Variants in ENKUR observed in about 807,000 individuals in gnomAD.
ENKUR encodes the protein enkurin, TRPC channel interacting protein.
ENKUR carries 19 observed loss-of-function variants against 27.6 expected under a neutral mutation model. The ratio of observed to expected loss-of-function variants is 0.69; its 90% CI spans 0.48 to 1.01. The LOEUF (loss-of-function observed/expected upper bound fraction) is 1.01, where lower values mean the gene tolerates loss of function less well. Among genes scored for constraint, ENKUR ranks in the 50% least tolerant of loss-of-function variants. ENKUR has a pLI of 0.00. For synonymous variants in ENKUR, 117 were observed against 96.9 expected (o/e 1.21, Z -1.22); for missense variants, 312 against 310.5 (o/e 1.00, Z -0.04).
At chr10:25,049,152 A>G (rs1263676809) in intron 2 of ENKUR, among the ~76,000 whole-genome samples, 1 of 152,124 alleles carries the variant, frequency 6.6e-6, no homozygotes, top group African/African-American at 2.4e-5. Context: ...CCTTCCTTCT[A>G]AAGTTGTTGG....
chr10:25,024,346 C>T, intron 2 of ENKUR: 1 of 1,614,100 alleles, frequency 6.2e-7, no homozygotes, highest in African/African-American at 1.3e-5. Flanking sequence ...TTATATGATA[C>T]TTGTAGCTAC....
intron 2 of ENKUR, among the ~76,000 whole-genome samples, chr10:25,027,747 G>A (rs1402244690): frequency 6.6e-6 from 1 of 151,758 alleles, no homozygotes; most frequent in Non-Finnish European, 1.5e-5. Context: ...TGGATATGGT[G>A]GTGCACACCT....
At chr10:25,039,346 G>A (rs1253466049) in intron 2 of ENKUR, among the ~76,000 whole-genome samples, 3 of 152,152 alleles carry the variant, frequency 2.0e-5, no homozygotes, top group African/African-American at 7.2e-5. Flanking sequence ...TTGGGAGACT[G>A]AGGCAGGAGG....
intron 1 of ENKUR, among the ~76,000 whole-genome samples, chr10:25,004,833 C>T (rs1049742544): frequency 2.0e-5 from 3 of 152,144 alleles, no homozygotes; most frequent in African/African-American, 7.2e-5. Flanking sequence ...TAAATCTTTG[C>T]CCGTGCCTAT....
chr10:25,054,506 TTTCTTTCC>T, intron 2 of ENKUR, among the ~76,000 whole-genome samples: 1 of 120,056 alleles, frequency 8.3e-6, no homozygotes, highest in African/African-American at 3.3e-5. Flanking sequence ...TCTTTCTTTC[TTTCTTTCC>T]TTTCTTTCTT....
At chr10:24,993,554 G>T (rs973891322) in intron 3 of ENKUR, among the ~76,000 whole-genome samples, 2 of 152,156 alleles carry the variant, frequency 1.3e-5, no homozygotes, top group Non-Finnish European at 2.9e-5. Context: ...GCTGAAATGG[G>T]AGTTCACTCA....
intron 1 of ENKUR, among the ~76,000 whole-genome samples, chr10:25,010,864 T>C (rs1850427328): frequency 6.6e-6 from 1 of 151,722 alleles, no homozygotes; most frequent in Admixed American, 6.6e-5. Flanking sequence ...TTTGGGTTGG[T>C]TCCAAGTCTT....
intron 2 of ENKUR, among the ~76,000 whole-genome samples, chr10:25,050,184 A>G (rs1405338269): frequency 6.6e-6 from 1 of 152,210 alleles, no homozygotes; most frequent in Non-Finnish European, 1.5e-5. Context: ...ATCTGCCCTT[A>G]TGATCCAGTC....
intron 1 of ENKUR, among the ~76,000 whole-genome samples, chr10:25,003,020 C>G (rs182425538): frequency 6.6e-6 from 1 of 151,668 alleles, no homozygotes; most frequent in African/African-American, 2.4e-5. Context: ...GCCTGTCCAT[C>G]TATTATAGAA....
chr10:25,014,575 ATACC>A (rs1177314882), intron 1 of ENKUR, among the ~76,000 whole-genome samples: 2 of 152,208 alleles, frequency 1.3e-5, no homozygotes, highest in African/African-American at 2.4e-5. Context: ...AAAGAACAGA[ATACC>A]TACCTAATAA....
In ENKUR at chr10:25,025,705, G is replaced by A. The variant is rs558354436; in HGVS notation, c.38-29836C>T. On this transcript the variant is annotated intron_variant, in intron 2 of 5. Transcript: ENST00000615958. ...TATCATACTTTTGCCTTCTGCTCATGAGGGGTGTATCAATTTCCACTCCCA... is the reference window on the plus strand; with the variant it reads ...TATCATACTTTTGCCTTCTGCTCATAAGGGGTGTATCAATTTCCACTCCCA... The A allele has an allele frequency of 1.3e-5, 6 of 444,856 alleles. No homozygotes were observed. In the South Asian group the frequency reaches 2.3e-4, roughly 17 times the overall value. The allele number at this position is 444,856 out of a possible 1,614,324, so 27.6% of individuals were successfully genotyped here. A position where few individuals can be genotyped will look rare whatever the true frequency, so the allele number is the denominator to read the frequency against.
intron 2 of ENKUR, among the ~76,000 whole-genome samples, chr10:25,048,628 TCAACAGC>T (rs2130482220): frequency 6.6e-6 from 1 of 151,894 alleles, no homozygotes; most frequent in Non-Finnish European, 1.5e-5. Flanking sequence ...ATGGCCCAAA[TCAACAGC>T]CAAAGCAAAT....
chr10:25,038,744 G>A (rs958980997), intron 2 of ENKUR, among the ~76,000 whole-genome samples: 3 of 152,140 alleles, frequency 2.0e-5, no homozygotes, highest in Non-Finnish European at 1.5e-5. Flanking sequence ...TGAAATGAAC[G>A]CTGGTTATCA....
At chr10:25,006,767 C>T (rs184460726) in intron 1 of ENKUR, among the ~76,000 whole-genome samples, 1 of 152,148 alleles carries the variant, frequency 6.6e-6, no homozygotes, top group African/African-American at 2.4e-5. Context: ...GTTTGTTTTA[C>T]TGTCTCAGGC....
At chr10:25,027,313 G>A (rs536422427) in intron 2 of ENKUR, among the ~76,000 whole-genome samples, 12 of 124,980 alleles carry the variant, frequency 9.6e-5, no homozygotes, top group East Asian at 5.5e-4. Flanking sequence ...CCGAAATCGC[G>A]CCACTGCCAC....
At chr10:25,023,764 T>C (rs1427462192) in intron 2 of ENKUR, 4 of 1,613,856 alleles carry the variant, frequency 2.5e-6, no homozygotes, top group African/African-American at 1.3e-5. Context: ...TTCTGGAACA[T>C]CTATGAAAGA....
intron 1 of ENKUR, among the ~76,000 whole-genome samples, chr10:25,001,338 T>C (rs1850185548): frequency 6.6e-6 from 1 of 151,988 alleles, no homozygotes; most frequent in African/African-American, 2.4e-5. Context: ...TATTAATAGT[T>C]TTAATAAATT....
intron 4 of ENKUR, 103 bp from the exon 5 acceptor site, chr10:24,985,008 C>A: frequency 1.1e-6 from 1 of 906,462 alleles, no homozygotes; most frequent in Non-Finnish European, 1.7e-6. Flanking sequence ...GTAAAAGAAA[C>A]TGACAAAAAT....
intron 2 of ENKUR, among the ~76,000 whole-genome samples, chr10:25,032,448 G>C (rs530848880): frequency 6.6e-6 from 1 of 152,162 alleles, no homozygotes; most frequent in South Asian, 2.1e-4. Flanking sequence ...AAGTCTCTCC[G>C]TAGAATAAGC....
Sources: allele counts gnomAD v4.1 joint callset (sites outside exome capture counted in the v4.1 genomes callset), GRCh38; gene constraint gnomAD v4.1.1; transcripts MANE v1.5; gene names NCBI Gene and HGNC (gene_info 2026-07-23, HGNC 2026-07-21).